HAPLN1: variants seen among roughly 807,000 people sequenced by gnomAD.
The protein encoded by HAPLN1 is hyaluronan and proteoglycan link protein 1.
HAPLN1 carries 13 observed loss-of-function variants against 36.5 expected under a neutral mutation model. That is an observed-to-expected ratio of 0.36 (90% confidence interval 0.23 to 0.57). The LOEUF is 0.57. HAPLN1 is among the 20% of genes least tolerant of loss of function. HAPLN1 has a pLI of 0.83. For missense variants in HAPLN1, 407 were observed against 439.7 expected, an observed-to-expected ratio of 0.93 and a Z score of 0.66; for synonymous variants, 202 against 169.8, an observed-to-expected ratio of 1.19 and a Z score of -1.48.
intron 1 of HAPLN1, among the ~76,000 whole-genome samples, chr5:83,699,438 G>A (rs747635636): frequency 6.6e-5 from 10 of 152,120 alleles, no homozygotes; most frequent in South Asian, 2.1e-4. Flanking sequence ...GAAATCTTGC[G>A]GGCTAGTTAG....
chr5:83,663,799 CT>C (rs71605866), intron 2 of HAPLN1, among the ~76,000 whole-genome samples: 1,356 of 121,870 alleles, frequency 0.011, 7 homozygotes, highest in African/African-American at 0.031. Flanking sequence ...TCTTCCTTCA[CT>C]TTTTTTTTTT....
At chr5:83,711,645 C>G (rs73135920) in intron 1 of HAPLN1, among the ~76,000 whole-genome samples, 4,869 of 152,246 alleles carry the variant, frequency 0.032, 289 homozygotes, top group African/African-American at 0.11. Context: ...GTGATTGGTA[C>G]TATAATTATT....
intron 2 of HAPLN1, among the ~76,000 whole-genome samples, chr5:83,670,691 G>T (rs1396972846): frequency 3.9e-5 from 2 of 51,410 alleles, no homozygotes; most frequent in Non-Finnish European, 6.9e-5. Flanking sequence ...CCTTTGTTTT[G>T]TGTGTGTGTG....
chr5:83,694,282 A>G (rs1487268336), intron 1 of HAPLN1, among the ~76,000 whole-genome samples: 1 of 152,066 alleles, frequency 6.6e-6, no homozygotes, highest in Non-Finnish European at 1.5e-5. Context: ...AATCTCTGGG[A>G]TGCAGTGAAG....
rs1304645168 is a variant in HAPLN1 at position 83,662,883 on chromosome 5, G to A, written c.101-10059C>T. ...CTGATAAGGCTAATGTCTTCACTTA[G>A]TAAAGAAGACGTCGAAATAATCCCA... On this transcript the variant is annotated intron_variant, in intron 2 of 4. Transcript: ENST00000274341. 3.3e-5 allele frequency among the ~76,000 whole-genome samples: 5 copies of A among 152,316 alleles called. No individual in the cohort carries two copies. In the East Asian group the frequency reaches 9.6e-4, roughly 29 times the overall value.
intron 1 of HAPLN1, among the ~76,000 whole-genome samples, chr5:83,696,734 G>A (rs1202212730): frequency 6.6e-6 from 1 of 151,998 alleles, no homozygotes; most frequent in Non-Finnish European, 1.5e-5. Flanking sequence ...CAAAAATTTG[G>A]TAGGCTTATG....
In HAPLN1 at chr5:83,640,657, A is replaced by G. The variant is rs146072850; in HGVS notation, c.*839T>C. Reference sequence around the variant, plus strand: ...TTACAATTTTTCTGTCCAGCAGTTTATCTATATAACTGCCCTGAGTAGATG... The same window carrying G: ...TTACAATTTTTCTGTCCAGCAGTTTGTCTATATAACTGCCCTGAGTAGATG... On this transcript the variant is annotated 3_prime_UTR_variant, in exon 5 of 5. Coordinates refer to ENST00000274341, the MANE Select transcript of HAPLN1 (RefSeq NM_001884.4). 1 of 152,330 alleles carries G rather than the reference A, an allele frequency of 6.6e-6. No individual in the cohort carries two copies. The allele number at this position is 152,330 out of a possible 1,614,324, so 9.4% of individuals were successfully genotyped here.
rs56005008 is a variant in HAPLN1, at chr5:83,661,435, C to CTTTTTT, written c.101-8617_101-8612dup. 3.2e-4 allele frequency among the ~76,000 whole-genome samples: 20 copies of CTTTTTT among 62,976 alleles called. 3 individuals carry two copies. The highest frequency in any genetic ancestry group is 5.1e-4 in the East Asian group (1 of 1,946). The allele number at this position is 62,976 out of a possible 152,430, so 41.3% of individuals were successfully genotyped here. A position where few individuals can be genotyped will look rare whatever the true frequency, so the allele number is the denominator to read the frequency against. Reference sequence around the variant, plus strand: ...CAATGGTGGTCTGTGAGAAAAGCTTCTTTTTTTTTTTTTTTTTTTTTTTTT... The same window carrying CTTTTTT: ...CAATGGTGGTCTGTGAGAAAAGCTTCTTTTTTTTTTTTTTTTTTTTTTTTTTTTTTT... On this transcript the variant is annotated intron_variant, in intron 2 of 4. Coordinates refer to ENST00000274341, the MANE Select transcript of HAPLN1 (RefSeq NM_001884.4).
chr5:83,680,411 T>C (rs1219611401), intron 1 of HAPLN1, among the ~76,000 whole-genome samples: 1 of 152,184 alleles, frequency 6.6e-6, no homozygotes, highest in African/African-American at 2.4e-5. Flanking sequence ...GGACCACATA[T>C]TTCTTGCCTC....
chr5:83,668,295 G>C (rs192245807), intron 2 of HAPLN1, among the ~76,000 whole-genome samples: 9 of 151,726 alleles, frequency 5.9e-5, no homozygotes, highest in Non-Finnish European at 1.2e-4. Flanking sequence ...GGATACCAGA[G>C]GGGGACAGAT....
chr5:83,648,476 GAT>G (rs1425041164), intron 3 of HAPLN1, among the ~76,000 whole-genome samples: 1 of 118,416 alleles, frequency 8.4e-6, no homozygotes, highest in East Asian at 2.7e-4. Flanking sequence ...ATGTAGTTTG[GAT>G]ATATATATGG....
At chr5:83,696,919 A>G (rs1406896409) in intron 1 of HAPLN1, among the ~76,000 whole-genome samples, 1 of 152,086 alleles carries the variant, frequency 6.6e-6, no homozygotes, top group African/African-American at 2.4e-5. Flanking sequence ...CATAAAATGC[A>G]CTCTTTAAGC....
intron 2 of HAPLN1, among the ~76,000 whole-genome samples, chr5:83,663,731 C>G (rs539037407): frequency 1.3e-5 from 2 of 151,736 alleles, no homozygotes; most frequent in East Asian, 3.9e-4. Context: ...AGCAGCTGAG[C>G]TTGAGGTGTC....
chr5:83,669,556 T>C lies in HAPLN1; in HGVS notation c.100+3868A>G, dbSNP rs141749235. 1.0e-3 allele frequency among the ~76,000 whole-genome samples: 157 copies of C among 152,238 alleles called. 1 individual carries two copies. Among genetic ancestry groups the C allele is most frequent in the African/African-American group, 3.6e-3 (148 of 41,554 alleles). ...TAATATGAATGGGGACATTTTAAAT[T>C]GTGAAATTAAAGAAGGCAAAGAAAA... On this transcript the variant is annotated intron_variant, in intron 2 of 4. Transcript: ENST00000274341.
At position 83,641,288 on chromosome 5, in the gene HAPLN1, C is replaced by T; in HGVS notation, c.*208G>A. The T allele has an allele frequency of 3.7e-6, 1 of 267,900 alleles. No homozygotes were observed. The highest frequency in any genetic ancestry group is 6.7e-6 in the Non-Finnish European group (1 of 149,398). The allele number at this position is 267,900 out of a possible 1,614,324, so 16.6% of individuals were successfully genotyped here. Reference sequence around the variant, plus strand: ...CTAAGTCTCCTTACATAGAGCTTCCCTTAAATTTATATTAATTTATAATAT... The same window carrying T: ...CTAAGTCTCCTTACATAGAGCTTCCTTTAAATTTATATTAATTTATAATAT... On this transcript the variant is annotated 3_prime_UTR_variant, in exon 5 of 5. Transcript: ENST00000274341.
intron 1 of HAPLN1, among the ~76,000 whole-genome samples, chr5:83,695,182 G>C (rs372996327): frequency 1.5e-4 from 23 of 152,262 alleles, no homozygotes; most frequent in African/African-American, 5.1e-4. Context: ...CTGGGGTGCA[G>C]TGGCGCAATC....
rs56115447 is a variant in HAPLN1, at chr5:83,648,395, CTATATATATATATATATATA to C, written c.473-3750_473-3731del. 1.2e-3 allele frequency among the ~76,000 whole-genome samples: 74 copies of C among 60,666 alleles called. 1 individual carries two copies. The highest frequency in any genetic ancestry group is 2.7e-3 in the Admixed American group (12 of 4,500). 39.8% of individuals were successfully genotyped at this position (60,666 alleles called of 152,430 possible). ...GGATGTGGCCTCTTCCTATATTTGA[CTATATATATATATATATATA>C]TATATATATATATATATATATATGG... is the stretch of plus-strand genomic sequence containing the variant. On this transcript the variant is annotated intron_variant, in intron 3 of 4. Coordinates refer to ENST00000274341, the MANE Select transcript of HAPLN1 (RefSeq NM_001884.4).
intron 1 of HAPLN1, among the ~76,000 whole-genome samples, chr5:83,714,362 A>AT (rs1411651396): frequency 6.6e-6 from 1 of 152,216 alleles, no homozygotes; most frequent in Non-Finnish European, 1.5e-5. Context: ...ATGGGGTATA[A>AT]TAAAAAAAAC....
At chr5:83,714,910 G>A (rs1383523019) in intron 1 of HAPLN1, among the ~76,000 whole-genome samples, 4 of 152,260 alleles carry the variant, frequency 2.6e-5, no homozygotes, top group African/African-American at 9.6e-5. Flanking sequence ...CAGGATGGAT[G>A]TTGGATGCCC....
Sources: gnomAD v4.1 joint callset for allele counts (sites outside exome capture counted in the v4.1 genomes callset) on GRCh38, gnomAD v4.1.1 for gene constraint, MANE v1.5 for transcripts, NCBI Gene and HGNC (gene_info 2026-07-23, HGNC 2026-07-21) for gene names.